Variants in WWOX observed in about 807,000 individuals in gnomAD.
WWOX encodes WW domain-containing oxidoreductase.
Under a neutral mutation model 46.2 loss-of-function variants are expected in WWOX, and 69 were observed. The observed-to-expected ratio is 1.49, with a 90% CI of 1.23 to 1.82. WWOX has a LOEUF of 1.82. Ranked by LOEUF, WWOX falls within the 40% of genes most tolerant of loss-of-function variation. The pLI, the probability that WWOX is intolerant of heterozygous loss-of-function variation, is 0.00. For missense variants in WWOX, 919 were observed against 542.6 expected, an observed-to-expected ratio of 1.69 and a Z score of -6.89; for synonymous variants, 359 against 202.6, an observed-to-expected ratio of 1.77 and a Z score of -6.56.
chr16:78,798,748 G>A (rs1165838312), intron 8 of WWOX, among the ~76,000 whole-genome samples: 2 of 152,116 alleles, frequency 1.3e-5, no homozygotes, highest in Admixed American at 6.5e-5. Flanking sequence ...AAATGATGTT[G>A]TGTGTAATTT....
chr16:78,919,357 G>A (rs1270823904), intron 8 of WWOX, among the ~76,000 whole-genome samples: 1 of 151,892 alleles, frequency 6.6e-6, no homozygotes, highest in Non-Finnish European at 1.5e-5. Flanking sequence ...TCTAGAATTT[G>A]CATCCAGGCA....
intron 6 of WWOX, among the ~76,000 whole-genome samples, chr16:78,412,141 C>T (rs1265397307): frequency 1.3e-5 from 2 of 152,048 alleles, no homozygotes; most frequent in East Asian, 1.9e-4. Context: ...TTAGGGGTTC[C>T]TAATGAGCCT....
chr16:79,026,445 C>A (rs1231997482), intron 8 of WWOX, among the ~76,000 whole-genome samples: 1 of 151,584 alleles, frequency 6.6e-6, no homozygotes, highest in African/African-American at 2.4e-5. Context: ...GGAACTGTGT[C>A]CCCTTCCTTC....
intron 8 of WWOX, among the ~76,000 whole-genome samples, chr16:78,812,747 C>G (rs1597655231): frequency 6.8e-6 from 1 of 146,898 alleles, no homozygotes. Flanking sequence ...AAAAAAAAAT[C>G]TATCCAAAGG....
At chr16:78,642,438 A>G (rs893691610) in intron 8 of WWOX, among the ~76,000 whole-genome samples, 1 of 151,924 alleles carries the variant, frequency 6.6e-6, no homozygotes, top group African/African-American at 2.4e-5. Flanking sequence ...CCCTGCTTTT[A>G]TTTCGGCCCT....
chr16:78,110,157 T>C (rs966961966), intron 3 of WWOX, among the ~76,000 whole-genome samples: 1 of 151,756 alleles, frequency 6.6e-6, no homozygotes, highest in African/African-American at 2.4e-5. Context: ...CTGGCCAACA[T>C]GGTGAAACTC....
intron 5 of WWOX, among the ~76,000 whole-genome samples, chr16:78,339,133 T>A (rs9938375): frequency 0.23 from 27,086 of 119,268 alleles, 8,659 homozygotes; most frequent in African/African-American, 0.38. Flanking sequence ...TATAGTGATA[T>A]CATGTATAAT....
rs62040687 is a variant in WWOX, at chr16:79,171,900, G to A, written c.1057-39708G>A. 2.0e-3 allele frequency among the ~76,000 whole-genome samples: 303 copies of A among 152,250 alleles called. 1 individual carries two copies. The highest frequency in any genetic ancestry group is 3.3e-3 in the Non-Finnish European group (224 of 68,024). Reference sequence around the variant, plus strand: ...CTTTTAAAATCTGAAATCCCAGGAAGCTAATTAGTGCATCCTTTTAAGATG... The same window carrying A: ...CTTTTAAAATCTGAAATCCCAGGAAACTAATTAGTGCATCCTTTTAAGATG... On this transcript the variant is annotated intron_variant, in intron 8 of 8. Coordinates refer to ENST00000566780, the MANE Select transcript of WWOX (RefSeq NM_016373.4).
At position 78,811,591 on chromosome 16, in the gene WWOX, A is replaced by T. The variant is rs150564205; in HGVS notation, c.1056+378839A>T. 7.6e-3 allele frequency among the ~76,000 whole-genome samples: 1,158 copies of T among 151,676 alleles called. 14 individuals carry two copies. Among genetic ancestry groups the T allele is most frequent in the African/African-American group, 0.026 (1,086 of 41,310 alleles). Reference sequence around the variant, plus strand: ...TCACCATGTTGGCCAGGCTGGTCTCAAGCTCCTGACCTCAGGTGATCCACC... The same window carrying T: ...TCACCATGTTGGCCAGGCTGGTCTCTAGCTCCTGACCTCAGGTGATCCACC... On this transcript the variant is annotated intron_variant, in intron 8 of 8. Coordinates refer to ENST00000566780, the MANE Select transcript of WWOX (RefSeq NM_016373.4).
intron 8 of WWOX, chr16:78,825,467 GC>G: frequency 2.3e-6 from 1 of 435,420 alleles, no homozygotes; most frequent in Non-Finnish European, 4.7e-6. Context: ...GGTGAGAACA[GC>G]CAGGGATTCT....
At chr16:78,802,602 G>A (rs1597636510) in intron 8 of WWOX, among the ~76,000 whole-genome samples, 1 of 152,100 alleles carries the variant, frequency 6.6e-6, no homozygotes, top group African/African-American at 2.4e-5. Context: ...TGAATATAGT[G>A]AGTGACTAAA....
At chr16:78,322,666 T>A (rs2080511722) in intron 5 of WWOX, among the ~76,000 whole-genome samples, 1 of 152,224 alleles carries the variant, frequency 6.6e-6, no homozygotes, top group Admixed American at 6.5e-5. Context: ...AATGATTACT[T>A]TGTTTTTATG....
Position 79,205,130 on chromosome 16 carries a change from TG to T in WWOX, c.1057-6477del, listed in dbSNP as rs1228756058. 5.9e-5 allele frequency: 9 copies of T among 152,348 alleles called. 1 individual carries two copies. Among genetic ancestry groups the T allele is most frequent in the Admixed American group, 2.6e-4 (4 of 15,302 alleles). The allele number at this position is 152,348 out of a possible 1,614,324, so 9.4% of individuals were successfully genotyped here. ...CTCTGAACAGAAGCCTGTGAGCACG[TG>T]CCTGTCATTTAAAAGCTGCATGGCA... On this transcript the variant is annotated intron_variant, in intron 8 of 8. Coordinates refer to ENST00000566780, the MANE Select transcript of WWOX (RefSeq NM_016373.4).
chr16:78,757,255 CAA>C (rs1406977339), intron 8 of WWOX, among the ~76,000 whole-genome samples: 1 of 152,180 alleles, frequency 6.6e-6, no homozygotes, highest in Non-Finnish European at 1.5e-5. Flanking sequence ...ACTGCCCATT[CAA>C]AGAGTCTAAA....
chr16:78,362,099 T>G (rs2081421845), intron 5 of WWOX, among the ~76,000 whole-genome samples: 1 of 152,082 alleles, frequency 6.6e-6, no homozygotes, highest in Non-Finnish European at 1.5e-5. Flanking sequence ...ACTACATTCT[T>G]CCTCACTCCC....
intron 8 of WWOX, among the ~76,000 whole-genome samples, chr16:78,885,436 C>G: frequency 6.6e-6 from 1 of 152,186 alleles, no homozygotes; most frequent in Non-Finnish European, 1.5e-5. Context: ...ATAGTTTTCA[C>G]TCTGTCTAAA....
intron 8 of WWOX, chr16:78,550,686 C>G (rs140124517): frequency 1.2e-4 from 18 of 152,236 alleles, no homozygotes; most frequent in African/African-American, 1.7e-4. Flanking sequence ...ATATCTTACT[C>G]CTGGGCTGTG....
At chr16:78,993,958 C>G (rs924349174) in intron 8 of WWOX, among the ~76,000 whole-genome samples, 12 of 152,168 alleles carry the variant, frequency 7.9e-5, no homozygotes, top group Non-Finnish European at 1.5e-4. Context: ...GCATTGTTCC[C>G]TGGGCAAGCC....
chr16:78,802,915 GAAAAAAAAAAAAAAA>G lies in WWOX; in HGVS notation c.1056+370176_1056+370190del. ...TGGGTCACAGAGCAAGACTTCATCTGAAAAAAAAAAAAAAAAAAAAAAAAAAACAACAAACAGAAA... is the reference window on the plus strand; with the variant it reads ...TGGGTCACAGAGCAAGACTTCATCTGAAAAAAAAAAAACAACAAACAGAAA... On this transcript the variant is annotated intron_variant, in intron 8 of 8. Coordinates refer to ENST00000566780, the MANE Select transcript of WWOX (RefSeq NM_016373.4). Among the ~76,000 whole-genome samples the G allele has an allele frequency of 1.9e-4, 2 of 10,452 alleles. 1 individual carries two copies. Among genetic ancestry groups the G allele is most frequent in the Admixed American group, 3.2e-3 (2 of 632 alleles). 6.9% of individuals were successfully genotyped at this position (10,452 alleles called of 152,430 possible).
Sources: gnomAD v4.1 joint callset for allele counts (sites outside exome capture counted in the v4.1 genomes callset) on GRCh38, gnomAD v4.1.1 for gene constraint, MANE v1.5 for transcripts, NCBI Gene and HGNC (gene_info 2026-07-23, HGNC 2026-07-21) for gene names.